RSRP1: variants seen among roughly 807,000 people sequenced by gnomAD.
RSRP1 encodes arginine and serine rich protein 1.
A neutral mutation model predicts 33.0 loss-of-function variants in RSRP1; 37 were observed. The ratio of observed to expected loss-of-function variants is 1.12; its 90% CI spans 0.86 to 1.48. RSRP1 has a LOEUF of 1.48. Ranked by LOEUF, RSRP1 falls within the 40% of genes most tolerant of loss-of-function variation. RSRP1 has a pLI of 0.00. For missense variants in RSRP1, 402 were observed against 385.3 expected (o/e 1.04, Z -0.36); for synonymous variants, 167 against 158.7 (o/e 1.05, Z -0.40).
Position 25,266,685 on chromosome 1 carries a change from G to C in RSRP1, c.-66-19656C>G, listed in dbSNP as rs1203967967. 9 of 136,672 alleles carry C rather than the reference G, an allele frequency of 6.6e-5. 3 individuals are homozygous for C. The highest frequency in any genetic ancestry group is 2.2e-4 in the African/African-American group (8 of 35,740). The allele number at this position is 136,672 out of a possible 1,614,324, so 8.5% of individuals were successfully genotyped here. On this transcript the variant is annotated intron_variant, in intron 1 of 1. Coordinates refer to the RSRP1 transcript ENST00000561867. ...ACATGTCAATCAGATGAACCTGTGCGTATCTCTTAATGACAATTGACCCAC... is the reference window on the plus strand; with the variant it reads ...ACATGTCAATCAGATGAACCTGTGCCTATCTCTTAATGACAATTGACCCAC...
In RSRP1 at chr1:25,246,777, T is replaced by C; in HGVS notation, c.187A>G (p.Arg63Gly). The change falls in exon 2 of 5, where the codon AGG becomes GGG. Residue 63 changes from arginine to glycine, a missense_variant. Arg to Gly is a moderately radical substitution (Grantham distance 125). Transcript: ENST00000243189. The stretch of plus-strand genomic sequence containing the variant: ...TGGTGGCGCCTTCGGGAACGGGACC[T>C]GGACTTGCTCCTCCGACTCCTGGAC... ...FSSRSRRSKSRSRSRRRHQRK... is the reference protein window; with the variant it reads ...FSSRSRRSKSGSRSRRRHQRK... The C allele has an allele frequency of 1.2e-6, 2 of 1,612,972 alleles. No individual in the cohort carries two copies. The highest frequency in any genetic ancestry group is 1.7e-6 in the Non-Finnish European group (2 of 1,179,364).
In RSRP1 at chr1:25,294,081, C is replaced by T. The variant is rs1642736936; in HGVS notation, c.-67+43897G>A. On this transcript the variant is annotated intron_variant, in intron 1 of 1. Coordinates refer to the RSRP1 transcript ENST00000561867. ...CCACCAATGGGCTTATCTGTTATTT[C>T]TTCCTTATTGTGAGCTTAATGGCAT... is the stretch of plus-strand genomic sequence containing the variant. 1.5e-5 allele frequency: 10 copies of T among 675,744 alleles called. 2 individuals carry two copies. Among genetic ancestry groups the T allele is most frequent in the Non-Finnish European group, 2.5e-5 (9 of 362,856 alleles). 41.9% of individuals were successfully genotyped at this position (675,744 alleles called of 1,614,324 possible). A position where few individuals can be genotyped will look rare whatever the true frequency, so the allele number is the denominator to read the frequency against.
chr1:25,280,774 A>C (rs1641428626), intron 1 of RSRP1, among the ~76,000 whole-genome samples: 1 of 130,314 alleles, frequency 7.7e-6, no homozygotes, highest in South Asian at 2.3e-4. Flanking sequence ...ACCACGCCCA[A>C]GTAATTTTGT....
upstream of RSRP1, among the ~76,000 whole-genome samples, chr1:25,250,068 C>G (rs1220540486): frequency 2.0e-5 from 3 of 152,104 alleles, no homozygotes; most frequent in African/African-American, 7.2e-5. Context: ...TTCTTTTATA[C>G]TAAGGTCTAA....
At position 25,255,918 on chromosome 1, in the gene RSRP1, T is replaced by C. The variant is rs188732602; in HGVS notation, c.-66-8889A>G. The stretch of plus-strand genomic sequence containing the variant: ...GAGTGGCTGTGAATACAGATGAAGC[T>C]TCACTCGCCCACCGCCTGCCTCCTG... On this transcript the variant is annotated intron_variant, in intron 1 of 1. Coordinates refer to the RSRP1 transcript ENST00000561867. 2.0e-3 allele frequency among the ~76,000 whole-genome samples: 299 copies of C among 152,116 alleles called. 1 individual carries two copies. The highest frequency in any genetic ancestry group is 6.5e-3 in the African/African-American group (271 of 41,490).
chr1:25,293,043 T>C lies in RSRP1; in HGVS notation c.-67+44935A>G, dbSNP rs1642644616. On this transcript the variant is annotated intron_variant, in intron 1 of 1. Coordinates refer to the RSRP1 transcript ENST00000561867. ...TCGGATGAGGGCTGGGAAGTAGCCA[T>C]TGGATTTGGCCAGGAGACCTTGGCA... Among the ~76,000 whole-genome samples, 2 of 129,730 alleles carry C rather than the reference T, an allele frequency of 1.5e-5. 1 individual carries two copies. Among genetic ancestry groups the C allele is most frequent in the Non-Finnish European group, 3.6e-5 (2 of 55,314 alleles). The allele number at this position is 129,730 out of a possible 152,430, so 85.1% of individuals were successfully genotyped here.
rs558113625 is a variant in RSRP1 at position 25,289,848 on chromosome 1, T to A, written c.-66-42819A>T. ...ATTTTTTTTTTTTTTGGATCATAAG[T>A]ATCTTCAAGACCAAAATAATTTTCT... is the stretch of plus-strand genomic sequence containing the variant. On this transcript the variant is annotated intron_variant, in intron 1 of 1. Coordinates refer to the RSRP1 transcript ENST00000561867. Among the ~76,000 whole-genome samples the A allele has an allele frequency of 3.8e-4, 48 of 127,300 alleles. 8 individuals carry two copies. The highest frequency in any genetic ancestry group is 7.4e-4 in the Non-Finnish European group (40 of 54,240). The allele number at this position is 127,300 out of a possible 152,430, so 83.5% of individuals were successfully genotyped here.
chr1:25,331,763 G>C lies in RSRP1; in HGVS notation c.-67+6215C>G, dbSNP rs1355315299. Among the ~76,000 whole-genome samples the C allele has an allele frequency of 2.4e-5, 2 of 84,656 alleles. 1 individual carries two copies. Among genetic ancestry groups the C allele is most frequent in the Non-Finnish European group, 5.3e-5 (2 of 37,806 alleles). 55.5% of individuals were successfully genotyped at this position (84,656 alleles called of 152,430 possible). A position where few individuals can be genotyped will look rare whatever the true frequency, so the allele number is the denominator to read the frequency against. On this transcript the variant is annotated intron_variant, in intron 1 of 1. Coordinates refer to the RSRP1 transcript ENST00000561867. Reference sequence around the variant, plus strand: ...TTTTTTTTTTTTTTTTTTTTGAGACGGAGTCTCGCTCTGTTACCCAGGCTG... The same window carrying C: ...TTTTTTTTTTTTTTTTTTTTGAGACCGAGTCTCGCTCTGTTACCCAGGCTG...
intron 1 of RSRP1, among the ~76,000 whole-genome samples, chr1:25,257,613 T>C (rs1246493739): frequency 6.6e-6 from 1 of 150,872 alleles, no homozygotes; most frequent in Non-Finnish European, 1.5e-5. Flanking sequence ...TTTTTTTTTT[T>C]TTTTTGAGTC....
chr1:25,244,723 T>A, intron 3 of RSRP1: 2 of 1,172,374 alleles, frequency 1.7e-6, no homozygotes, highest in Non-Finnish European at 2.2e-6. Context: ...CTCGCTCTGC[T>A]GCCCAGGCTA....
rs1361885913 is a variant in RSRP1, at chr1:25,299,194, G to A, written c.-67+38784C>T. On this transcript the variant is annotated intron_variant, in intron 1 of 1. Coordinates refer to the RSRP1 transcript ENST00000561867. The stretch of plus-strand genomic sequence containing the variant: ...GTCAGGAGTTCGAGACCAGGCTGGG[G>A]AACATGGTGAAACCCCGTCTCTACT... Among the ~76,000 whole-genome samples the A allele has an allele frequency of 4.7e-5, 6 of 127,982 alleles. 1 individual carries two copies. Among genetic ancestry groups the A allele is most frequent in the African/African-American group, 1.6e-4 (6 of 37,342 alleles). The allele number at this position is 127,982 out of a possible 152,430, so 84.0% of individuals were successfully genotyped here.
chr1:25,304,963 A>C (rs1453061869), intron 1 of RSRP1: 2 of 132,404 alleles, frequency 1.5e-5, no homozygotes, highest in African/African-American at 5.2e-5. Flanking sequence ...ATTCATTCAT[A>C]TATTCATTCA....
intron 1 of RSRP1, among the ~76,000 whole-genome samples, chr1:25,286,890 C>A (rs1273180537): frequency 3.0e-5 from 4 of 134,286 alleles, no homozygotes; most frequent in African/African-American, 1.0e-4. Context: ...GTCAGGAGTC[C>A]GAGACCAACC....
Position 25,278,351 on chromosome 1 carries a change from T to C in RSRP1, c.-66-31322A>G, listed in dbSNP as rs1198704040. 9.2e-5 allele frequency among the ~76,000 whole-genome samples: 12 copies of C among 130,066 alleles called. 1 individual carries two copies. Among genetic ancestry groups the C allele is most frequent in the African/African-American group, 2.3e-4 (9 of 38,350 alleles). The allele number at this position is 130,066 out of a possible 152,430, so 85.3% of individuals were successfully genotyped here. ...GGAGTTAAGGGGCCTATGATATGCT[T>C]AGGGGAAGCAGAGAGTATCAATTAC... On this transcript the variant is annotated intron_variant, in intron 1 of 1. Transcript: ENST00000561867.
At chr1:25,319,170 ACTTG>A (rs5773128) in intron 1 of RSRP1, among the ~76,000 whole-genome samples, 5,293 of 132,466 alleles carry the variant, frequency 0.04, 1,420 homozygotes, top group Non-Finnish European at 0.067. Flanking sequence ...AGTGGTGCTG[ACTTG>A]CCCTCTGTCT....
rs757349442 is a variant in RSRP1, at chr1:25,242,714, G to A, written c.757-9C>T. 1 of 1,560,862 alleles carries A rather than the reference G, an allele frequency of 6.4e-7. No homozygotes were observed. The highest frequency in any genetic ancestry group is 8.7e-7 in the Non-Finnish European group (1 of 1,145,810). On this transcript the variant is annotated splice_polypyrimidine_tract_variant and intron_variant, in intron 4 of 4. Coordinates refer to ENST00000243189, the MANE Select transcript of RSRP1 (RefSeq NM_020317.5). ...GGCTTTGCTACAGAATTCTGTAAAA[G>A]AACAAATTCAGTCAGCTTCCCAAAC...
intron 1 of RSRP1, among the ~76,000 whole-genome samples, chr1:25,299,072 TAA>T (rs34867414): frequency 2.0e-4 from 8 of 40,870 alleles, no homozygotes; most frequent in Admixed American, 5.1e-4. Context: ...CACATGGTGA[TAA>T]AAAAAAAAAA....
rs567071043 is a variant in RSRP1 at position 25,285,429 on chromosome 1, C to T, written c.-66-38400G>A. Among the ~76,000 whole-genome samples the T allele has an allele frequency of 3.7e-5, 5 of 135,196 alleles. No individual in the cohort carries two copies. The East Asian group carries it at 9.7e-4, about 26-fold the overall frequency. 88.7% of individuals were successfully genotyped at this position (135,196 alleles called of 152,430 possible). A position where few individuals can be genotyped will look rare whatever the true frequency, so the allele number is the denominator to read the frequency against. ...GATTACAGACATGAGCCACCGCGTC[C>T]AGCCTGAGAGACATTCTCTTGAAAA... is the stretch of plus-strand genomic sequence containing the variant. On this transcript the variant is annotated intron_variant, in intron 1 of 1. Coordinates refer to the RSRP1 transcript ENST00000561867.
At chr1:25,243,445 G>A in intron 4 of RSRP1, 105 bp downstream of exon 4, 1 of 1,369,448 alleles carries the variant, frequency 7.3e-7, no homozygotes, top group South Asian at 1.4e-5. Context: ...TATTTAAAAA[G>A]TGTGTCAGTA....
Sources: gnomAD v4.1 joint callset for allele counts (sites outside exome capture counted in the v4.1 genomes callset) on GRCh38, gnomAD v4.1.1 for gene constraint, MANE v1.5 for transcripts, NCBI Gene and HGNC (gene_info 2026-07-23, HGNC 2026-07-21) for gene names.